Variants in IMMP2L observed in about 807,000 individuals in gnomAD.
The protein encoded by IMMP2L is inner mitochondrial membrane peptidase subunit 2.
In IMMP2L, 18 loss-of-function variants were observed where a neutral mutation model predicts 19.3. The observed-to-expected ratio is 0.93, with a 90% confidence interval of 0.64 to 1.38. The LOEUF is 1.38. IMMP2L is among the 40% of genes most tolerant of loss of function. The probability of loss-of-function intolerance (pLI) is 0.00; values close to 1 mark genes in which losing one functional copy is unlikely to be tolerated. For missense variants in IMMP2L, 233 were observed against 218.2 expected (o/e 1.07, Z -0.43); for synonymous variants, 76 against 73.0 (o/e 1.04, Z -0.21).
At chr7:110,919,675 T>C (rs1814031689) in intron 4 of IMMP2L, among the ~76,000 whole-genome samples, 1 of 148,140 alleles carries the variant, frequency 6.8e-6, no homozygotes, top group African/African-American at 2.7e-5. Context: ...AATTCACTTA[T>C]TTCTTGAAAA....
chr7:111,540,351 C>T (rs1003311239), intron 1 of IMMP2L, among the ~76,000 whole-genome samples: 10 of 152,166 alleles, frequency 6.6e-5, no homozygotes, highest in African/African-American at 2.4e-4. Context: ...CTCCTGCCAA[C>T]CTGTGCACAA....
At chr7:111,433,958 T>G (rs1323029347) in intron 3 of IMMP2L, among the ~76,000 whole-genome samples, 2 of 151,606 alleles carry the variant, frequency 1.3e-5, no homozygotes, top group African/African-American at 2.4e-5. Flanking sequence ...AAAATTCATA[T>G]GGAAACAAAA....
At chr7:111,419,282 T>C (rs931161921) in intron 3 of IMMP2L, among the ~76,000 whole-genome samples, 8 of 151,816 alleles carry the variant, frequency 5.3e-5, no homozygotes, top group Non-Finnish European at 1.0e-4. Flanking sequence ...GGAATACATA[T>C]ATTCCTGTAG....
At chr7:111,079,275 G>A (rs1397928953) in intron 3 of IMMP2L, among the ~76,000 whole-genome samples, 22 of 70,344 alleles carry the variant, frequency 3.1e-4, no homozygotes, top group South Asian at 1.1e-3. Context: ...CCGCCACTAC[G>A]CCCGGCTAAT....
intron 3 of IMMP2L, among the ~76,000 whole-genome samples, chr7:111,283,798 C>T (rs907857424): frequency 2.0e-5 from 3 of 151,006 alleles, no homozygotes; most frequent in African/African-American, 7.3e-5. Context: ...GGTGAAACCC[C>T]GTCTCTACTA....
intron 3 of IMMP2L, among the ~76,000 whole-genome samples, chr7:111,344,333 G>C (rs143293734): frequency 6.6e-6 from 1 of 152,234 alleles, no homozygotes; most frequent in African/African-American, 2.4e-5. Context: ...ATTCTGGCTA[G>C]CACATTCTTC....
chr7:111,362,456 A>T (rs942444495), intron 3 of IMMP2L, among the ~76,000 whole-genome samples: 1 of 152,100 alleles, frequency 6.6e-6, no homozygotes, highest in Non-Finnish European at 1.5e-5. Flanking sequence ...CATTGCTAGT[A>T]TAAGGTTTCA....
chr7:110,950,923 T>A (rs1563105787), intron 4 of IMMP2L, among the ~76,000 whole-genome samples: 1 of 148,404 alleles, frequency 6.7e-6, no homozygotes, highest in South Asian at 2.1e-4. Context: ...TATATATATA[T>A]GAACTTCAAA....
chr7:111,280,291 C>A (rs1056711903), intron 3 of IMMP2L, among the ~76,000 whole-genome samples: 1 of 152,094 alleles, frequency 6.6e-6, no homozygotes, highest in African/African-American at 2.4e-5. Flanking sequence ...CCTTTTTTCC[C>A]AGTTCCTGCA....
intron 2 of IMMP2L, among the ~76,000 whole-genome samples, chr7:111,498,969 T>C (rs74476313): frequency 0.017 from 2,558 of 152,218 alleles, 71 homozygotes; most frequent in African/African-American, 0.058. Flanking sequence ...GAAAAAAGGA[T>C]ATATACCTTA....
At chr7:111,106,965 A>G (rs879817288) in intron 3 of IMMP2L, among the ~76,000 whole-genome samples, 3 of 151,950 alleles carry the variant, frequency 2.0e-5, no homozygotes, top group Non-Finnish European at 4.4e-5. Flanking sequence ...CATGTATTCA[A>G]TCTACTTCTT....
intron 5 of IMMP2L, among the ~76,000 whole-genome samples, chr7:110,850,104 A>C (rs1806049401): frequency 6.6e-6 from 1 of 152,122 alleles, no homozygotes; most frequent in Non-Finnish European, 1.5e-5. Flanking sequence ...AAACTACTAA[A>C]GTCAGAAAAT....
chr7:111,338,936 T>C (rs553187857), intron 3 of IMMP2L, among the ~76,000 whole-genome samples: 25 of 152,202 alleles, frequency 1.6e-4, no homozygotes, highest in African/African-American at 5.8e-4. Flanking sequence ...AAGAATATTG[T>C]CCCAGGAGTC....
intron 5 of IMMP2L, among the ~76,000 whole-genome samples, chr7:110,671,786 A>T (rs1791938760): frequency 6.6e-6 from 1 of 152,170 alleles, no homozygotes; most frequent in Non-Finnish European, 1.5e-5. Context: ...CAAGATAAGG[A>T]CAAGCAAATG....
At chr7:111,548,066 A>T (rs1326541001) in intron 1 of IMMP2L, among the ~76,000 whole-genome samples, 3 of 152,074 alleles carry the variant, frequency 2.0e-5, no homozygotes, top group Non-Finnish European at 4.4e-5. Context: ...GAAAGAATTC[A>T]TGAGATGTTA....
intron 3 of IMMP2L, among the ~76,000 whole-genome samples, chr7:111,443,768 G>A (rs995885803): frequency 5.3e-5 from 8 of 151,932 alleles, no homozygotes; most frequent in South Asian, 4.2e-4. Context: ...TTTAAATGTG[G>A]GGATCACTAA....
At chr7:111,058,929 T>C (rs1212538346) in intron 3 of IMMP2L, among the ~76,000 whole-genome samples, 2 of 152,130 alleles carry the variant, frequency 1.3e-5, no homozygotes, top group African/African-American at 2.4e-5. Context: ...TATCACTGTG[T>C]TTTTTCCTTC....
intron 3 of IMMP2L, among the ~76,000 whole-genome samples, chr7:111,080,766 C>A (rs913804153): frequency 6.6e-6 from 1 of 152,096 alleles, no homozygotes; most frequent in African/African-American, 2.4e-5. Flanking sequence ...GCTTACTATA[C>A]GCTAGGCATT....
At chr7:111,011,433 G>C (rs1824944237) in intron 3 of IMMP2L, among the ~76,000 whole-genome samples, 1 of 152,098 alleles carries the variant, frequency 6.6e-6, no homozygotes, top group Non-Finnish European at 1.5e-5. Context: ...ATGCACAACA[G>C]ATAGTTTCCT....
Sources: allele counts gnomAD v4.1 joint callset (sites outside exome capture counted in the v4.1 genomes callset), GRCh38; gene constraint gnomAD v4.1.1; transcripts MANE v1.5; gene names NCBI Gene and HGNC (gene_info 2026-07-23, HGNC 2026-07-21).